Variants in SLC9A3 observed in about 807,000 individuals in gnomAD.
SLC9A3 encodes the protein sodium/hydrogen exchanger 3.
A neutral mutation model predicts 86.8 loss-of-function variants in SLC9A3; 37 were observed. The ratio of observed to expected loss-of-function variants is 0.43; its 90% confidence interval spans 0.33 to 0.56. The LOEUF (loss-of-function observed/expected upper bound fraction) is 0.56, where lower values mean the gene tolerates loss of function less well. Ranked by LOEUF, SLC9A3 falls within the 20% of genes least tolerant of loss-of-function variation. The pLI, the probability that SLC9A3 is intolerant of heterozygous loss-of-function variation, is 0.06. For missense variants in SLC9A3, 1,011 were observed against 1,171.9 expected, an observed-to-expected ratio of 0.86 and a Z score of 2.00; for synonymous variants, 581 against 528.3, an observed-to-expected ratio of 1.10 and a Z score of -1.37.
chr5:515,755 TCACA>T (rs1216081470), intron 1 of SLC9A3, among the ~76,000 whole-genome samples: 1 of 38,890 alleles, frequency 2.6e-5, no homozygotes, highest in African/African-American at 1.1e-4. Context: ...CCCCTGCCCC[TCACA>T]CACACACACA....
intron 1 of SLC9A3, among the ~76,000 whole-genome samples, chr5:492,665 G>A (rs1217264267): frequency 1.4e-5 from 2 of 145,796 alleles, no homozygotes; most frequent in South Asian, 2.5e-4. Context: ...TGGTCGGGGG[G>A]GGGCCTCTGA....
At chr5:477,614 C>T in intron 10 of SLC9A3, 170 bp from the exon 11 acceptor site, 1 of 553,250 alleles carries the variant, frequency 1.8e-6, no homozygotes. Flanking sequence ...AATGCCAAAA[C>T]CAGGAGATCA....
chr5:514,058 T>C (rs1221812470), intron 1 of SLC9A3, among the ~76,000 whole-genome samples: 3 of 152,240 alleles, frequency 2.0e-5, no homozygotes, highest in Non-Finnish European at 4.4e-5. Flanking sequence ...GAGACAATGG[T>C]GCCTGGCAAG....
chr5:522,838 C>T (rs947539471), intron 1 of SLC9A3, among the ~76,000 whole-genome samples: 1 of 152,082 alleles, frequency 6.6e-6, no homozygotes, highest in Admixed American at 6.5e-5. Flanking sequence ...TAGGACTGGG[C>T]GGCCGCAGAG....
chr5:475,206 C>G (rs1423422756), intron 15 of SLC9A3, 74 bp from the exon 16 acceptor site: 6 of 1,470,960 alleles, frequency 4.1e-6, no homozygotes, highest in Non-Finnish European at 3.6e-6. Context: ...CCGGGGCCGT[C>G]ACCTGCTGGG....
intron 1 of SLC9A3, among the ~76,000 whole-genome samples, chr5:494,558 C>A (rs1244987912): frequency 6.6e-6 from 1 of 152,192 alleles, no homozygotes; most frequent in East Asian, 1.9e-4. Flanking sequence ...CCCACCTCTG[C>A]AGCCTCCTGA....
In SLC9A3 at chr5:477,453, AG is replaced by A. The variant is rs1355444998; in HGVS notation, c.1648-10del. 1.2e-6 allele frequency: 2 copies of A among 1,604,630 alleles called. No homozygotes were observed. Among genetic ancestry groups the A allele is most frequent in the Non-Finnish European group, 1.7e-6 (2 of 1,173,736 alleles). On this transcript the variant is annotated splice_polypyrimidine_tract_variant and intron_variant, in intron 10 of 16. Transcript: ENST00000264938. The stretch of plus-strand genomic sequence containing the variant: ...GACCCGCGGCGCTCTCCCTGTGGTC[AG>A]GAAGCAGCCCGGTCAGTGGCCTGAG...
intron 1 of SLC9A3, among the ~76,000 whole-genome samples, chr5:508,212 C>T (rs551102001): frequency 7.0e-6 from 1 of 142,146 alleles, no homozygotes; most frequent in South Asian, 2.3e-4. Context: ...ATGGAGTAGC[C>T]GCAGGCAGAC....
intron 1 of SLC9A3, among the ~76,000 whole-genome samples, chr5:523,316 G>A (rs1579836374): frequency 6.6e-6 from 1 of 151,838 alleles, no homozygotes; most frequent in South Asian, 2.1e-4. Context: ...ACCTCCTCTC[G>A]CCCCAGTCCA....
At chr5:490,699 T>C (rs1739693729) in intron 2 of SLC9A3, among the ~76,000 whole-genome samples, 1 of 152,232 alleles carries the variant, frequency 6.6e-6, no homozygotes, top group African/African-American at 2.4e-5. Context: ...GAGTCTCTGC[T>C]ACAACCCCTG....
At chr5:483,238 G>A (rs775538172) in intron 6 of SLC9A3, 24 bp downstream of exon 6, 138 of 1,519,530 alleles carry the variant, frequency 9.1e-5, no homozygotes, top group Non-Finnish European at 1.1e-4. Context: ...GTGGTCCCAC[G>A]GCCGCAACCC....
chr5:511,183 C>T (rs1381771747), intron 1 of SLC9A3, among the ~76,000 whole-genome samples: 4 of 152,114 alleles, frequency 2.6e-5, no homozygotes, highest in Admixed American at 6.6e-5. Flanking sequence ...ATGGCAAGGC[C>T]GGCATTTAAG....
In SLC9A3 at chr5:471,320, G is replaced by A. The variant is rs765016180; in HGVS notation, c.*2059C>T. 1 of 173,410 alleles carries A rather than the reference G, an allele frequency of 5.8e-6. No individual in the cohort carries two copies. Among genetic ancestry groups the A allele is most frequent in the Non-Finnish European group, 1.3e-5 (1 of 78,896 alleles). The allele number at this position is 173,410 out of a possible 1,614,324, so 10.7% of individuals were successfully genotyped here. On this transcript the variant is annotated 3_prime_UTR_variant, in exon 17 of 17. Transcript: ENST00000264938. Reference sequence around the variant, plus strand: ...ACTCAGCTTCTGACTCTGCAGCTGGGAGTCAGATGCAGGCCCAAGGGTCCA... The same window carrying A: ...ACTCAGCTTCTGACTCTGCAGCTGGAAGTCAGATGCAGGCCCAAGGGTCCA...
chr5:487,551 A>G (rs60113820), intron 3 of SLC9A3, among the ~76,000 whole-genome samples: 197 of 2,622 alleles, frequency 0.075, 52 homozygotes, highest in Non-Finnish European at 0.15. Context: ...GACACCCACC[A>G]CACTGACACC....
intron 1 of SLC9A3, among the ~76,000 whole-genome samples, chr5:504,505 C>T (rs1284436754): frequency 2.0e-5 from 3 of 152,212 alleles, no homozygotes; most frequent in African/African-American, 7.2e-5. Flanking sequence ...CCGGCGGCGG[C>T]AGCCAGGGAG....
intron 1 of SLC9A3, among the ~76,000 whole-genome samples, chr5:507,503 G>A (rs1404688773): frequency 3.3e-5 from 5 of 151,568 alleles, no homozygotes; most frequent in Non-Finnish European, 7.4e-5. Flanking sequence ...GGGCTCATGT[G>A]ATCCTCCAGC....
rs773708622 is a variant in SLC9A3, at chr5:476,097, G to A, written c.2068-5C>T. ...ATTGGGGATGCTGCTGTTTCTCTGC[G>A]GAGCAAACGTGAAGCTGCTCACACC... On this transcript the variant is annotated splice_region_variant and splice_polypyrimidine_tract_variant and intron_variant, in intron 13 of 16. Transcript: ENST00000264938. 4.3e-6 allele frequency: 7 copies of A among 1,613,162 alleles called. No homozygotes were observed. Among genetic ancestry groups the A allele is most frequent in the Admixed American group, 1.7e-5 (1 of 59,968 alleles).
intron 9 of SLC9A3, 116 bp from the exon 10 acceptor site, chr5:480,081 G>T (rs947713149): frequency 9.1e-6 from 11 of 1,210,050 alleles, no homozygotes; most frequent in African/African-American, 3.0e-5. Flanking sequence ...CCCTGTAGGC[G>T]CGTTTAAAAT....
At chr5:510,069 C>T (rs748622250) in intron 1 of SLC9A3, among the ~76,000 whole-genome samples, 5 of 152,188 alleles carry the variant, frequency 3.3e-5, no homozygotes, top group Non-Finnish European at 4.4e-5. Context: ...TGGGCTGGAC[C>T]GGGGAGCCGC....
Sources: gnomAD v4.1 joint callset for allele counts (sites outside exome capture counted in the v4.1 genomes callset) on GRCh38, gnomAD v4.1.1 for gene constraint, MANE v1.5 for transcripts, NCBI Gene and HGNC (gene_info 2026-07-23, HGNC 2026-07-21) for gene names.